CADM2: variants seen among roughly 807,000 people sequenced by gnomAD.
CADM2 encodes immunoglobulin superfamily member 4D.
Under a neutral mutation model 49.8 loss-of-function variants are expected in CADM2, and 12 were observed. The observed-to-expected ratio is 0.24, with a 90% confidence interval of 0.15 to 0.39. The LOEUF (loss-of-function observed/expected upper bound fraction) is 0.39. Among genes scored for constraint, CADM2 ranks in the 10% least tolerant of loss-of-function variants. The probability of loss-of-function intolerance (pLI) is 1.00; values close to 1 mark genes in which losing one functional copy is unlikely to be tolerated. For synonymous variants in CADM2, 214 were observed against 175.4 expected, an observed-to-expected ratio of 1.22 and a Z score of -1.74; for missense variants, 378 against 492.3, an observed-to-expected ratio of 0.77 and a Z score of 2.20.
At chr3:85,105,139 G>C (rs761680788) in intron 1 of CADM2, among the ~76,000 whole-genome samples, 1 of 151,916 alleles carries the variant, frequency 6.6e-6, no homozygotes, top group Non-Finnish European at 1.5e-5. Context: ...GGGCATCCCT[G>C]TCATCAGAGG....
In CADM2 at chr3:85,432,889, A is replaced by G. The variant is rs1207014693; in HGVS notation, c.62-293633A>G. Among the ~76,000 whole-genome samples, 7 of 152,078 alleles carry G rather than the reference A, an allele frequency of 4.6e-5. No homozygotes were observed. The East Asian group carries it at 9.7e-4, about 21-fold the overall frequency. ...TTATGTCCAAAGTCATAGTCATCTC[A>G]TATCATTTAATACAGTTGACACTAC... On this transcript the variant is annotated intron_variant, in intron 1 of 9. Coordinates refer to ENST00000383699, the MANE Select transcript of CADM2 (RefSeq NM_001167675.2).
At chr3:85,719,435 G>T (rs189449012) in intron 1 of CADM2, among the ~76,000 whole-genome samples, 2 of 152,108 alleles carry the variant, frequency 1.3e-5, no homozygotes, top group Non-Finnish European at 2.9e-5. Flanking sequence ...ACTACCAATA[G>T]CCTGCTGTTG....
chr3:85,307,131 T>G (rs1199209940), intron 1 of CADM2, among the ~76,000 whole-genome samples: 1 of 151,608 alleles, frequency 6.6e-6, no homozygotes, highest in Non-Finnish European at 1.5e-5. Flanking sequence ...AAAAAATACT[T>G]CAAATGTATA....
intron 1 of CADM2, among the ~76,000 whole-genome samples, chr3:85,442,594 A>G (rs990318150): frequency 7.3e-5 from 1 of 13,666 alleles, no homozygotes; most frequent in African/African-American, 9.0e-5. Flanking sequence ...ATGAGTATAT[A>G]TATATATATA....
intron 8 of CADM2, among the ~76,000 whole-genome samples, chr3:86,036,600 A>G (rs1325088868): frequency 6.6e-6 from 1 of 152,180 alleles, no homozygotes; most frequent in Non-Finnish European, 1.5e-5. Context: ...TGGCATGGCT[A>G]AAGTTGATGT....
intron 1 of CADM2, among the ~76,000 whole-genome samples, chr3:85,386,380 G>A (rs1194079022): frequency 6.6e-6 from 1 of 152,122 alleles, no homozygotes; most frequent in Non-Finnish European, 1.5e-5. Flanking sequence ...TGGAGAATGG[G>A]AATTGGGTGG....
At chr3:85,026,144 TTTACA>T (rs2034718163) in intron 1 of CADM2, among the ~76,000 whole-genome samples, 1 of 152,162 alleles carries the variant, frequency 6.6e-6, no homozygotes, top group Admixed American at 6.6e-5. Context: ...TTTTAAGCAA[TTTACA>T]TTATTCTTGA....
chr3:85,934,293 C>T (rs1401023308), intron 6 of CADM2, among the ~76,000 whole-genome samples: 2 of 151,962 alleles, frequency 1.3e-5, no homozygotes, highest in Non-Finnish European at 2.9e-5. Flanking sequence ...AATATTTTCT[C>T]TTTTTCTTTT....
At chr3:85,712,567 C>A (rs1348340709) in intron 1 of CADM2, among the ~76,000 whole-genome samples, 1 of 152,086 alleles carries the variant, frequency 6.6e-6, no homozygotes, top group African/African-American at 2.4e-5. Context: ...AGACCTTTTC[C>A]ATTTTATTTT....
rs142588684 is a variant in CADM2, at chr3:85,370,215, AAATAATAAT to A, written c.62-356271_62-356263del. Among the ~76,000 whole-genome samples the A allele has an allele frequency of 2.6e-3, 348 of 135,166 alleles. 2 individuals carry two copies. The East Asian group carries it at 0.032, about 12-fold the overall frequency. The allele number at this position is 135,166 out of a possible 152,430, so 88.7% of individuals were successfully genotyped here. On this transcript the variant is annotated intron_variant, in intron 1 of 9. Transcript: ENST00000383699. ...GACACAAGAACGAAACTCCTTTTCA[AAATAATAAT>A]AATAATAATAATAATAATAATAATA...
At chr3:86,036,529 C>G (rs1268756425) in intron 8 of CADM2, among the ~76,000 whole-genome samples, 2 of 152,092 alleles carry the variant, frequency 1.3e-5, no homozygotes, top group Non-Finnish European at 2.9e-5. Context: ...CTCTCTCTCT[C>G]TCCAAGGTGT....
intron 1 of CADM2, among the ~76,000 whole-genome samples, chr3:85,625,036 A>C (rs1262899165): frequency 6.6e-6 from 1 of 152,156 alleles, no homozygotes; most frequent in Non-Finnish European, 1.5e-5. Flanking sequence ...TATAAAACAG[A>C]CAAATTACTC....
intron 1 of CADM2, among the ~76,000 whole-genome samples, chr3:85,371,713 A>T (rs1247253687): frequency 7.2e-6 from 1 of 139,302 alleles, no homozygotes; most frequent in Non-Finnish European, 1.5e-5. Context: ...ATATATATAT[A>T]TTCACTTACA....
chr3:85,168,372 A>G (rs1031956258), intron 1 of CADM2, among the ~76,000 whole-genome samples: 1 of 152,106 alleles, frequency 6.6e-6, no homozygotes, highest in Non-Finnish European at 1.5e-5. Context: ...CGTAAACTTT[A>G]TAGCTTTAGT....
chr3:85,744,563 T>C (rs921342941), intron 2 of CADM2, among the ~76,000 whole-genome samples: 2 of 151,958 alleles, frequency 1.3e-5, no homozygotes, highest in African/African-American at 4.8e-5. Flanking sequence ...GTAAATGAAA[T>C]ACTCGGGGTA....
At chr3:85,518,917 G>A (rs992436712) in intron 1 of CADM2, among the ~76,000 whole-genome samples, 2 of 152,034 alleles carry the variant, frequency 1.3e-5, no homozygotes, top group African/African-American at 2.4e-5. Context: ...ATGTCTTCAC[G>A]GAACATTTTT....
chr3:85,172,441 T>G (rs2107686885), intron 1 of CADM2, among the ~76,000 whole-genome samples: 1 of 152,320 alleles, frequency 6.6e-6, no homozygotes, highest in South Asian at 2.1e-4. Context: ...ATAAAAATTA[T>G]TATTCTAATC....
At chr3:85,858,878 G>T (rs991837496) in intron 3 of CADM2, among the ~76,000 whole-genome samples, 1 of 151,960 alleles carries the variant, frequency 6.6e-6, no homozygotes, top group Non-Finnish European at 1.5e-5. Context: ...ATGATATATA[G>T]AAAAAAAGTA....
intron 8 of CADM2, among the ~76,000 whole-genome samples, chr3:86,064,807 C>T (rs962177535): frequency 6.6e-6 from 1 of 152,260 alleles, no homozygotes; most frequent in East Asian, 1.9e-4. Context: ...CTGTAAAATC[C>T]TAGTAAATGC....
Sources: gnomAD v4.1 joint callset for allele counts (sites outside exome capture counted in the v4.1 genomes callset) on GRCh38, gnomAD v4.1.1 for gene constraint, MANE v1.5 for transcripts, NCBI Gene and HGNC (gene_info 2026-07-23, HGNC 2026-07-21) for gene names.